Variants in PCDHGA5 observed in about 807,000 individuals in gnomAD.
The protein encoded by PCDHGA5 is protocadherin gamma-A5.
A neutral mutation model predicts 56.7 loss-of-function variants in PCDHGA5; 36 were observed. That is an observed-to-expected ratio of 0.64 (90% CI 0.49 to 0.84). PCDHGA5 has a LOEUF of 0.84. PCDHGA5 is among the 40% of genes least tolerant of loss of function. The pLI is 0.00. For missense variants in PCDHGA5, 1,305 were observed against 1,201.5 expected, an observed-to-expected ratio of 1.09 and a Z score of -1.27; for synonymous variants, 563 against 520.2, an observed-to-expected ratio of 1.08 and a Z score of -1.12.
At chr5:141,419,640 T>C (rs2096410171) in intron 1 of PCDHGA5, 2 of 1,612,532 alleles carry the variant, frequency 1.2e-6, no homozygotes. Context: ...GTGGTGGCCG[T>C]GGACGCGGAC....
At chr5:141,453,370 G>A (rs969698165) in intron 1 of PCDHGA5, among the ~76,000 whole-genome samples, 1 of 152,046 alleles carries the variant, frequency 6.6e-6, no homozygotes, top group Non-Finnish European at 1.5e-5. Context: ...CTGGGGTCAA[G>A]TGATCCTCCT....
In PCDHGA5 at chr5:141,364,725, G is replaced by A. The variant is rs775854228; in HGVS notation, c.395G>A (p.Arg132His). Reference protein sequence around the residue: ...EIIDINDNFPRFRDEELKVKV... With the variant: ...EIIDINDNFPHFRDEELKVKV... ...ATCGATATTAATGATAACTTCCCGC[G>A]TTTCCGGGATGAAGAGTTAAAAGTA... Residue 132 changes from arginine (R) to histidine (H), a missense_variant, in exon 1 of 4, where the codon CGT (arginine) becomes CAT (histidine). By Grantham distance (29) the Arg-to-His change is conservative. Transcript: ENST00000518069. The A allele has an allele frequency of 1.9e-6, 3 of 1,613,828 alleles. No individual in the cohort carries two copies. Among genetic ancestry groups the A allele is most frequent in the African/African-American group, 2.7e-5 (2 of 74,944 alleles).
At chr5:141,466,621 T>A (rs911794654) in intron 1 of PCDHGA5, among the ~76,000 whole-genome samples, 1 of 152,208 alleles carries the variant, frequency 6.6e-6, no homozygotes, top group Non-Finnish European at 1.5e-5. Context: ...GCCGTTTTCT[T>A]TGGAGCATTG....
At chr5:141,472,455 G>A (rs191633108) in intron 1 of PCDHGA5, among the ~76,000 whole-genome samples, 2 of 151,972 alleles carry the variant, frequency 1.3e-5, no homozygotes, top group South Asian at 2.1e-4. Context: ...CAGGAGAATC[G>A]CTTGAACCCA....
intron 1 of PCDHGA5, among the ~76,000 whole-genome samples, chr5:141,459,831 G>T (rs907978430): frequency 1.3e-5 from 2 of 152,150 alleles, no homozygotes; most frequent in Non-Finnish European, 2.9e-5. Context: ...CTTTTCATGT[G>T]TTGTCTATTT....
At chr5:141,395,521 T>C in intron 1 of PCDHGA5, 1 of 388,366 alleles carries the variant, frequency 2.6e-6, no homozygotes, top group East Asian at 5.0e-5. Context: ...TACCCGTCCA[T>C]ACTGGTAATT....
intron 1 of PCDHGA5, chr5:141,415,156 A>T: frequency 6.2e-7 from 1 of 1,613,798 alleles, no homozygotes. Flanking sequence ...TCTCTCCGCC[A>T]CTGTCACGCT....
intron 1 of PCDHGA5, among the ~76,000 whole-genome samples, chr5:141,443,765 A>G (rs577762947): frequency 6.6e-6 from 1 of 152,340 alleles, no homozygotes; most frequent in East Asian, 1.9e-4. Context: ...TACAATATAC[A>G]ATATTACCAA....
intron 1 of PCDHGA5, chr5:141,412,461 A>G (rs184499850): frequency 3.4e-4 from 52 of 152,338 alleles, no homozygotes; most frequent in African/African-American, 1.2e-3. Flanking sequence ...ACTATTCTAG[A>G]AGAGTACTTT....
At chr5:141,381,835 T>C (rs1342005630) in intron 1 of PCDHGA5, among the ~76,000 whole-genome samples, 58 of 141,162 alleles carry the variant, frequency 4.1e-4, no homozygotes, top group African/African-American at 1.5e-3. Context: ...TCTTTTTTTT[T>C]TTTTTTTTTT....
Position 141,418,614 on chromosome 5 carries a change from G to A in PCDHGA5, c.2421+51863G>A, listed in dbSNP as rs777074200. ...CAGGACGTGTACAGGGTTAGCCTTC[G>A]GGAAGACGTGCCTCCAGGCACCTCC... is the stretch of plus-strand genomic sequence containing the variant. On this transcript the variant is annotated intron_variant, in intron 1 of 3. Transcript: ENST00000518069. The A allele has an allele frequency of 5.0e-6, 8 of 1,613,876 alleles. No homozygotes were observed. In the East Asian group the frequency reaches 1.1e-4, roughly 22 times the overall value.
Position 141,423,257 on chromosome 5 carries a change from G to T in PCDHGA5, c.2421+56506G>T, listed in dbSNP as rs1412429501. ...ATCCCCGAAGTCCTGGCGGACCTCG[G>T]CAGCCTCGAGTCTCTGGCTAACTCT... On this transcript the variant is annotated intron_variant, in intron 1 of 3. Transcript: ENST00000518069. The T allele has an allele frequency of 8.7e-6, 14 of 1,613,946 alleles. No individual in the cohort carries two copies. The highest frequency in any genetic ancestry group is 1.3e-5 in the African/African-American group (1 of 75,060).
chr5:141,502,615 A>G (rs2099815317), intron 2 of PCDHGA5, among the ~76,000 whole-genome samples: 1 of 152,218 alleles, frequency 6.6e-6, no homozygotes, highest in Non-Finnish European at 1.5e-5. Context: ...TTGTGAAAAT[A>G]TAAGTAATCT....
chr5:141,489,483 T>G lies in PCDHGA5; in HGVS notation c.2422-5324T>G. 1.9e-6 allele frequency: 3 copies of G among 1,613,980 alleles called. No individual in the cohort carries two copies. The highest frequency in any genetic ancestry group is 2.5e-6 in the Non-Finnish European group (3 of 1,180,008). ...GCTATTTTTCCCTGAGCTTGATGAG[T>G]GGTGCCCTGGCAGTGAATCAAAAGA... On this transcript the variant is annotated intron_variant, in intron 1 of 3. Coordinates refer to ENST00000518069, the MANE Select transcript of PCDHGA5 (RefSeq NM_018918.3). This position sits in a 1 kb window ranked among gnomAD's most constrained non-coding sequence, Gnocchi z 4.5.
At chr5:141,508,371 C>T (rs1250979168) in intron 3 of PCDHGA5, 1 of 152,226 alleles carries the variant, frequency 6.6e-6, no homozygotes, top group East Asian at 1.9e-4. Flanking sequence ...CAACTTCTTC[C>T]CCTCAGATTT....
rs749759763 is a variant in PCDHGA5 at position 141,384,376 on chromosome 5, G to A, written c.2421+17625G>A. On this transcript the variant is annotated intron_variant, in intron 1 of 3. Coordinates refer to ENST00000518069, the MANE Select transcript of PCDHGA5 (RefSeq NM_018918.3). ...TGCCCAGATCACTTATTCCTTGGCCGAAGACACCATCCAGGGGGCTCCAGT... is the reference window on the plus strand; with the variant it reads ...TGCCCAGATCACTTATTCCTTGGCCAAAGACACCATCCAGGGGGCTCCAGT... 10 of 1,613,786 alleles carry A rather than the reference G, an allele frequency of 6.2e-6. No individual in the cohort carries two copies. In the African/African-American group the frequency reaches 8.0e-5, roughly 13 times the overall value.
intron 1 of PCDHGA5, chr5:141,398,456 C>A (rs1262009079): frequency 6.3e-7 from 1 of 1,590,134 alleles, no homozygotes; most frequent in Non-Finnish European, 8.6e-7. Context: ...GAGGCTGTTG[C>A]TGAAAATCCA....
At chr5:141,422,032 G>A in intron 1 of PCDHGA5, 1 of 1,611,280 alleles carries the variant, frequency 6.2e-7, no homozygotes, top group Non-Finnish European at 8.5e-7. Context: ...TAATGCAACG[G>A]ATCCAGACGA....
intron 1 of PCDHGA5, among the ~76,000 whole-genome samples, chr5:141,483,980 G>C (rs1379963326): frequency 2.0e-5 from 3 of 148,294 alleles, no homozygotes; most frequent in African/African-American, 7.5e-5. Flanking sequence ...CAAGGGAGTA[G>C]CTAGGTTGCT....
Sources: gnomAD v4.1 joint callset for allele counts (sites outside exome capture counted in the v4.1 genomes callset) on GRCh38, gnomAD v4.1.1 for gene constraint, Gnocchi (gnomAD v3.1) non-coding constraint, MANE v1.5 for transcripts, NCBI Gene and HGNC (gene_info 2026-07-23, HGNC 2026-07-21) for gene names.